The following MACF1 variants were observed in gnomAD, a reference collection of about 807,000 sequenced individuals.
The protein encoded by MACF1 is microtubule actin crosslinking factor 1.
In MACF1, 193 loss-of-function variants were observed where a neutral mutation model predicts 854.8. The observed-to-expected ratio is 0.23, with a 90% CI of 0.20 to 0.25. MACF1 has a LOEUF of 0.25. Ranked by LOEUF, MACF1 falls within the 10% of genes least tolerant of loss-of-function variation. The pLI is 1.00. For missense variants in MACF1, 7,722 were observed against 8,929.1 expected (o/e 0.86, Z 5.45); for synonymous variants, 3,185 against 3,226.7 (o/e 0.99, Z 0.44).
In MACF1 at chr1:39,453,868, A is replaced by G; in HGVS notation, c.20886+18A>G. ...TCGAGGAGGTGAGTCCCTGGTTCAG[A>G]GGAGGACTGCACACGCCCAGTAAAC... On this transcript the variant is annotated intron_variant, in intron 88 of 100. Transcript: ENST00000564288. The G allele has an allele frequency of 6.2e-7, 1 of 1,614,062 alleles. No homozygotes were observed. The highest frequency in any genetic ancestry group is 8.5e-7 in the Non-Finnish European group (1 of 1,179,918).
intron 1 of MACF1, among the ~76,000 whole-genome samples, chr1:39,205,442 A>G (rs1644439112): frequency 6.6e-6 from 1 of 152,210 alleles, no homozygotes; most frequent in Non-Finnish European, 1.5e-5. Context: ...CTTTCCTCAG[A>G]GAACTGAGCT....
chr1:39,128,127 CT>C (rs1458944576), intron 2 of MACF1, among the ~76,000 whole-genome samples: 9 of 152,084 alleles, frequency 5.9e-5, no homozygotes, highest in African/African-American at 2.2e-4. Flanking sequence ...CTTTATATTC[CT>C]TTAGGTTGGT....
At chr1:39,265,539 G>A (rs1200957452) in intron 6 of MACF1, among the ~76,000 whole-genome samples, 2 of 152,084 alleles carry the variant, frequency 1.3e-5, no homozygotes, top group African/African-American at 4.8e-5. Context: ...AATGTATTCC[G>A]AACACTTATA....
rs1309450722 is a variant in MACF1, at chr1:39,477,129, T to C, written c.21959-2669T>C. ...TATATACACTTAGTGTATATATATATATATATACACACACACACACACACA... is the reference window on the plus strand; with the variant it reads ...TATATACACTTAGTGTATATATATACATATATACACACACACACACACACA... On this transcript the variant is annotated intron_variant, in intron 97 of 100. Coordinates refer to ENST00000564288, the MANE Select transcript of MACF1 (RefSeq NM_001394062.1). Among the ~76,000 whole-genome samples, 37 of 30,328 alleles carry C rather than the reference T, an allele frequency of 1.2e-3. 2 individuals carry two copies. The highest frequency in any genetic ancestry group is 3.2e-3 in the South Asian group (2 of 632). 19.9% of individuals were successfully genotyped at this position (30,328 alleles called of 152,430 possible). A position where few individuals can be genotyped will look rare whatever the true frequency, so the allele number is the denominator to read the frequency against.
At chr1:39,106,061 A>G (rs1571045671) in intron 2 of MACF1, among the ~76,000 whole-genome samples, 1 of 151,972 alleles carries the variant, frequency 6.6e-6, no homozygotes, top group South Asian at 2.1e-4. Flanking sequence ...GGCGCGGGAG[A>G]AACCACCCGC....
At chr1:39,393,277 T>C (rs1403942585) in intron 58 of MACF1, among the ~76,000 whole-genome samples, 2 of 149,176 alleles carry the variant, frequency 1.3e-5, no homozygotes, top group African/African-American at 4.9e-5. Context: ...ATTCCCTACG[T>C]AGGTTTTACT....
intron 40 of MACF1, among the ~76,000 whole-genome samples, chr1:39,343,609 GA>G (rs781094983): frequency 2.6e-4 from 39 of 152,370 alleles, no homozygotes; most frequent in Non-Finnish European, 3.8e-4. Context: ...TTGTAGCAGA[GA>G]ACGACAGTCT....
intron 2 of MACF1, among the ~76,000 whole-genome samples, chr1:39,118,273 G>GT (rs1272538899): frequency 2.6e-5 from 4 of 152,258 alleles, no homozygotes; most frequent in Non-Finnish European, 4.4e-5. Context: ...GCATGGGTCA[G>GT]TGTAGGGAAA....
At chr1:39,241,077 C>T (rs1054206307) in intron 2 of MACF1, among the ~76,000 whole-genome samples, 94 of 143,754 alleles carry the variant, frequency 6.5e-4, no homozygotes, top group Non-Finnish European at 1.1e-3. Context: ...TAGTGTTGGG[C>T]TTTTCCTTGA....
At chr1:39,132,072 C>A (rs1253035027) in intron 2 of MACF1, among the ~76,000 whole-genome samples, 1 of 152,226 alleles carries the variant, frequency 6.6e-6, no homozygotes, top group African/African-American at 2.4e-5. Context: ...ACTAAAGACA[C>A]CTGCCCATTT....
At position 39,214,949 on chromosome 1, in the gene MACF1, C is replaced by G. The variant is rs180942378; in HGVS notation, c.109+9818C>G. On this transcript the variant is annotated intron_variant, in intron 1 of 100. Transcript: ENST00000564288. ...GCTCTCCTGCAACTAAGATTCACCA[C>G]ATTACAAGCTTCTGCTCTGCAAATG... 2.0e-3 allele frequency among the ~76,000 whole-genome samples: 302 copies of G among 152,338 alleles called. 2 individuals carry two copies. Among genetic ancestry groups the G allele is most frequent in the African/African-American group, 7.0e-3 (292 of 41,584 alleles).
rs1352508481 is a variant in MACF1 at position 39,146,269 on chromosome 1, C to T, written c.220+61831C>T. Among the ~76,000 whole-genome samples the T allele has an allele frequency of 5.9e-5, 9 of 152,054 alleles. No homozygotes were observed. In the East Asian group the frequency reaches 1.2e-3, roughly 20 times the overall value. ...ACAAGCCTGGCCAACATGGCGAAAC[C>T]CCATCTCTACTAAAAATACAAAAAC... On this transcript the variant is annotated intron_variant, in intron 2 of 93. Coordinates refer to the MACF1 transcript ENST00000361689.
intron 58 of MACF1, among the ~76,000 whole-genome samples, chr1:39,399,919 A>G (rs1642412675): frequency 6.6e-6 from 1 of 152,332 alleles, no homozygotes; most frequent in African/African-American, 2.4e-5. Context: ...ATTTCTCATA[A>G]GCCATGTGAG....
Position 39,347,001 on chromosome 1 carries a change from A to T in MACF1, c.10606A>T (p.Arg3536Trp), listed in dbSNP as rs769229589. The T allele has an allele frequency of 1.2e-6, 2 of 1,612,324 alleles. No individual in the cohort carries two copies. The highest frequency in any genetic ancestry group is 8.5e-7 in the Non-Finnish European group (1 of 1,179,454). ...YEDLKQPMAE[R>W]KAQLDALAFD... is the part of the protein sequence containing the mutation. ...GGATTTGAAACAGCCCATGGCTGAA[A>T]GGAAAGCTCAGCTGGATGCTCTTGC... The change falls in exon 41 of 101, where the codon AGG becomes TGG. Residue 3536 changes from arginine to tryptophan, a missense_variant. By Grantham distance (101) the Arg-to-Trp change is moderately radical. Coordinates refer to ENST00000564288, the MANE Select transcript of MACF1 (RefSeq NM_001394062.1).
chr1:39,283,452 T>C lies in MACF1; in HGVS notation c.852T>C (p.Tyr284=). The part of the protein sequence containing the change: ...PSPDEKSVIT[Y]VSSIYDAFPK... ...CAGATGAAAAGTCTGTAATCACTTA[T>C]GTGTCTTCGATTTATGATGCCTTCC... The change falls in exon 9 of 101, where the codon TAT becomes TAC. Residue 284 remains tyrosine (Y), a synonymous_variant. Coordinates refer to ENST00000564288, the MANE Select transcript of MACF1 (RefSeq NM_001394062.1). The surrounding 1 kb of genome is among the most constrained non-coding windows in gnomAD (Gnocchi z 4.5). 1.2e-6 allele frequency: 2 copies of C among 1,613,138 alleles called. No homozygotes were observed. Among genetic ancestry groups the C allele is most frequent in the Non-Finnish European group, 1.7e-6 (2 of 1,179,034 alleles).
intron 6 of MACF1, among the ~76,000 whole-genome samples, chr1:39,278,924 T>C (rs1385546605): frequency 4.6e-5 from 7 of 152,172 alleles, no homozygotes; most frequent in Non-Finnish European, 8.8e-5. Context: ...CACATTTGCT[T>C]GAGATTGGTC....
intron 23 of MACF1, among the ~76,000 whole-genome samples, chr1:39,305,055 G>A (rs1646140666): frequency 6.6e-6 from 1 of 151,332 alleles, no homozygotes; most frequent in Admixed American, 6.6e-5. Context: ...GAGGTCAGGA[G>A]TTCGAGACCA....
rs199646856 is a variant in MACF1, at chr1:39,337,194, C to T, written c.10078C>T (p.Arg3360Trp). The T allele has an allele frequency of 8.4e-5, 136 of 1,612,442 alleles. No individual in the cohort carries two copies. Among genetic ancestry groups the T allele is most frequent in the Admixed American group, 2.2e-4 (13 of 59,824 alleles). ...PFRATQNVFTRQLCLEHDEKL... is the reference protein window; with the variant it reads ...PFRATQNVFTWQLCLEHDEKL... ...TTTGGCTCCACAGAATGTATTTACC[C>T]GGCAACTCTGTTTAGAACATGATGA... Residue 3360 changes from arginine (R) to tryptophan (W), a missense_variant, in exon 38 of 101, where the codon CGG becomes TGG. Around this residue, in one of 15 missense-constraint regions of MACF1, gnomAD observed 854 missense variants for 852.6 expected, o/e 1.00. Transcript: ENST00000564288.
At chr1:39,090,575 C>T (rs766362044) in intron 2 of MACF1, among the ~76,000 whole-genome samples, 6 of 152,206 alleles carry the variant, frequency 3.9e-5, no homozygotes, top group Non-Finnish European at 7.3e-5. Context: ...GTAATGCCAT[C>T]TTAATGCCAT....
Sources: allele counts gnomAD v4.1 joint callset (sites outside exome capture counted in the v4.1 genomes callset), GRCh38; gene constraint gnomAD v4.1.1; regional missense constraint gnomAD v4.1.1; non-coding constraint Gnocchi (gnomAD v3.1); transcripts MANE v1.5; gene names NCBI Gene and HGNC (gene_info 2026-07-23, HGNC 2026-07-21).